Variants in CCDC61 observed in about 807,000 individuals in gnomAD.
The protein encoded by CCDC61 is coiled-coil domain containing 61.
A neutral mutation model predicts 63.0 loss-of-function variants in CCDC61; 55 were observed. The observed-to-expected ratio is 0.87, with a 90% CI of 0.70 to 1.09. CCDC61 has a LOEUF of 1.09. CCDC61 is among the 50% of genes least tolerant of loss of function. The pLI is 0.00. For missense variants in CCDC61, 651 were observed against 731.4 expected, an observed-to-expected ratio of 0.89 and a Z score of 1.27; for synonymous variants, 270 against 317.0, an observed-to-expected ratio of 0.85 and a Z score of 1.58.
intron 5 of CCDC61, among the ~76,000 whole-genome samples, chr19:46,009,802 C>CTGTGTGTGTGCGTATGTGTG (rs1968788838): frequency 1.6e-5 from 2 of 128,218 alleles, no homozygotes; most frequent in Non-Finnish European, 3.4e-5. Context: ...TGCTCTCAGG[C>CTGTGTGTGTGCGTATGTGTG]TGTGTGTGTG....
intron 1 of CCDC61, among the ~76,000 whole-genome samples, chr19:45,995,761 C>T (rs1051685290): frequency 3.3e-5 from 5 of 152,012 alleles, no homozygotes; most frequent in African/African-American, 9.7e-5. Flanking sequence ...CAGGAGACAG[C>T]AGATGGTAAA....
At position 46,016,274 on chromosome 19, in the gene CCDC61, G is replaced by T; in HGVS notation, c.1016-44G>T. The T allele has an allele frequency of 6.2e-7, 1 of 1,609,040 alleles. No individual in the cohort carries two copies. The highest frequency in any genetic ancestry group is 1.1e-5 in the South Asian group (1 of 90,572). ...GAGGGGACGCACTGGCGCTGCCAAG[G>T]CCCGTCTCCGGACCTAGCCGCCTCC... On this transcript the variant is annotated intron_variant, in intron 8 of 13. Transcript: ENST00000595358. This position sits in a 1 kb window ranked among gnomAD's most constrained non-coding sequence, Gnocchi z 7.2.
chr19:46,013,364 C>T (rs2146481279), intron 5 of CCDC61, among the ~76,000 whole-genome samples: 1 of 151,924 alleles, frequency 6.6e-6, no homozygotes, highest in Middle Eastern at 3.4e-3. Context: ...ACCTTGTTGC[C>T]CAGGCATGTC....
chr19:46,008,528 C>T (rs918172141), intron 5 of CCDC61, among the ~76,000 whole-genome samples: 2 of 152,208 alleles, frequency 1.3e-5, no homozygotes, highest in African/African-American at 4.8e-5. Flanking sequence ...CCTGTCTCAG[C>T]CTCCCAAGTA....
chr19:46,018,184 C>G lies in CCDC61; in HGVS notation c.1441+34C>G. 6.3e-7 allele frequency: 1 copy of G among 1,580,186 alleles called. No individual in the cohort carries two copies. Among genetic ancestry groups the G allele is most frequent in the African/African-American group, 1.4e-5 (1 of 73,892 alleles). ...GGGACTCCACATCCCCTCTCCCAGC[C>G]CCAGGACCCGTTGGAATGGTAGTGC... On this transcript the variant is annotated intron_variant, in intron 13 of 13. Coordinates refer to ENST00000595358, the MANE Select transcript of CCDC61 (RefSeq NM_001267723.2). This position sits in a 1 kb window ranked among gnomAD's most constrained non-coding sequence, Gnocchi z 4.2.
chr19:46,002,709 G>T (rs1019259128), intron 1 of CCDC61, among the ~76,000 whole-genome samples: 4 of 152,076 alleles, frequency 2.6e-5, no homozygotes, highest in Admixed American at 6.5e-5. Flanking sequence ...CAGCCACCGC[G>T]CCCGGCTTGG....
chr19:46,018,490 GC>G lies in CCDC61; in HGVS notation c.*107del. 2 of 876,526 alleles carry G rather than the reference GC, an allele frequency of 2.3e-6. No homozygotes were observed. Among genetic ancestry groups the G allele is most frequent in the Admixed American group, 2.4e-5 (1 of 40,856 alleles). 54.3% of individuals were successfully genotyped at this position (876,526 alleles called of 1,614,324 possible). A position where few individuals can be genotyped will look rare whatever the true frequency, so the allele number is the denominator to read the frequency against. ...CCAGCCCTGCCCAGTCCCTGCCCTG[GC>G]CCCGTCCCTCCTGCTGCCCCTGGGG... On this transcript the variant is annotated 3_prime_UTR_variant, in exon 14 of 14. Transcript: ENST00000595358. The surrounding 1 kb of genome is among the most constrained non-coding windows in gnomAD (Gnocchi z 4.2).
Position 46,003,158 on chromosome 19 carries a change from A to T in CCDC61, c.140A>T (p.Asp47Val). Residue 47 changes from aspartate to valine, a missense_variant, in exon 2 of 14, where the codon GAT becomes GTT. Asp to Val is a radical substitution (Grantham distance 152). Transcript: ENST00000595358. ...GCTGACCAGTGGCGGGGCGAGTTCG[A>T]TGCTGGCTGTGAGTGTGCCTGCCTG... Reference protein sequence around the residue: ...MTADQWRGEFDAGFIEDLTHK... With the variant: ...MTADQWRGEFVAGFIEDLTHK... 6.2e-7 allele frequency: 1 copy of T among 1,608,216 alleles called. No individual in the cohort carries two copies. The highest frequency in any genetic ancestry group is 1.1e-5 in the South Asian group (1 of 89,886).
At chr19:46,004,974 G>A (rs112526134) in intron 3 of CCDC61, among the ~76,000 whole-genome samples, 2 of 151,110 alleles carry the variant, frequency 1.3e-5, no homozygotes, top group African/African-American at 2.4e-5. Context: ...AAGTAGCTGG[G>A]ACTACAGGCC....
intron 5 of CCDC61, among the ~76,000 whole-genome samples, chr19:46,014,798 G>T (rs1347274790): frequency 1.3e-5 from 2 of 152,152 alleles, no homozygotes; most frequent in East Asian, 3.9e-4. Flanking sequence ...GGGGAGGAGT[G>T]TGTGTGTGTG....
chr19:46,003,298 G>C (rs923136086), intron 2 of CCDC61, 121 bp from the exon 3 acceptor site: 6 of 1,423,510 alleles, frequency 4.2e-6, no homozygotes, highest in Non-Finnish European at 4.8e-6. Context: ...GTGGGGAGGG[G>C]TGTAGGTCTT....
Position 46,010,294 on chromosome 19 carries a change from C to T in CCDC61, c.551+1993C>T, listed in dbSNP as rs118006890. On this transcript the variant is annotated intron_variant, in intron 5 of 13. Coordinates refer to ENST00000595358, the MANE Select transcript of CCDC61 (RefSeq NM_001267723.2). ...AAGTGGAATAGAGTTGAATGCAGGG[C>T]GCCCGGCCACGCAGCCTGGGGTCCT... 6.1e-3 allele frequency among the ~76,000 whole-genome samples: 924 copies of T among 152,292 alleles called. 4 individuals are homozygous for T. Among genetic ancestry groups the T allele is most frequent in the Non-Finnish European group, 7.8e-3 (533 of 68,024 alleles).
intron 4 of CCDC61, among the ~76,000 whole-genome samples, chr19:46,007,346 G>A (rs1167012578): frequency 6.6e-6 from 1 of 152,138 alleles, no homozygotes; most frequent in South Asian, 2.1e-4. Context: ...CACCACGCCC[G>A]GCTTGGCCTT....
chr19:46,016,003 T>C lies in CCDC61; in HGVS notation c.846-51T>C. ...GTGCGGTCGGGGAGGAGTCTCGCGA[T>C]TGAGTTTGTCGGGGCGGGCGGGAAG... is the stretch of plus-strand genomic sequence containing the variant. On this transcript the variant is annotated intron_variant, in intron 7 of 13. Coordinates refer to ENST00000595358, the MANE Select transcript of CCDC61 (RefSeq NM_001267723.2). The surrounding 1 kb of genome is among the most constrained non-coding windows in gnomAD (Gnocchi z 7.2). The C allele has an allele frequency of 4.9e-6, 6 of 1,228,378 alleles. No individual in the cohort carries two copies. The South Asian group carries it at 2.5e-4, about 51-fold the overall frequency. 76.1% of individuals were successfully genotyped at this position (1,228,378 alleles called of 1,614,324 possible).
intron 4 of CCDC61, among the ~76,000 whole-genome samples, chr19:46,007,379 A>G (rs1968732585): frequency 6.6e-6 from 1 of 152,170 alleles, no homozygotes; most frequent in African/African-American, 2.4e-5. Flanking sequence ...TTATCTCTTC[A>G]TGGCCACAAA....
chr19:46,017,381 G>A, intron 12 of CCDC61, 77 bp downstream of exon 12: 1 of 1,372,248 alleles, frequency 7.3e-7, no homozygotes, highest in Non-Finnish European at 1.0e-6. Flanking sequence ...GGGATCAGGT[G>A]CAGAGGCGAC....
chr19:46,005,873 C>T lies in CCDC61; in HGVS notation c.232-686C>T, dbSNP rs577442459. On this transcript the variant is annotated intron_variant, in intron 3 of 13. Transcript: ENST00000595358. ...ACTCAGATACAGAAGTGCTTTTTCC[C>T]GAGACCATCGTCATACTTTGGCGTG... Among the ~76,000 whole-genome samples, 10 of 151,714 alleles carry T rather than the reference C, an allele frequency of 6.6e-5. No homozygotes were observed. In the South Asian group the frequency reaches 1.0e-3, roughly 16 times the overall value.
chr19:46,010,816 G>A (rs955858631), intron 5 of CCDC61, among the ~76,000 whole-genome samples: 40 of 152,164 alleles, frequency 2.6e-4, no homozygotes, highest in African/African-American at 9.7e-4. Context: ...CAGTCTTCGT[G>A]TCTCCTCTGT....
rs778107894 is a variant in CCDC61 at position 46,017,028 on chromosome 19, C to T, written c.1269C>T (p.Ser423=). 64 of 1,612,618 alleles carry T rather than the reference C, an allele frequency of 4.0e-5. No individual in the cohort carries two copies. The highest frequency in any genetic ancestry group is 1.6e-4 in the Middle Eastern group (1 of 6,078). Residue 423 remains serine (S), a synonymous_variant, in exon 11 of 14, where the codon TCC becomes TCT. Coordinates refer to ENST00000595358, the MANE Select transcript of CCDC61 (RefSeq NM_001267723.2). The stretch of plus-strand genomic sequence containing the variant: ...GCAGCCGCTGCTCGTCTGCCAGCTC[C>T]TGCAGCGATTTGGAGGATTTCTCTG... The part of the protein sequence containing the change: ...SFRSRCSSAS[S]CSDLEDFSES...
Sources: allele counts gnomAD v4.1 joint callset (sites outside exome capture counted in the v4.1 genomes callset), GRCh38; gene constraint gnomAD v4.1.1; non-coding constraint Gnocchi (gnomAD v3.1); transcripts MANE v1.5; gene names NCBI Gene and HGNC (gene_info 2026-07-23, HGNC 2026-07-21).